The following ADPGK variants were observed in gnomAD, a reference collection of about 807,000 sequenced individuals.
The protein encoded by ADPGK is ADP-dependent glucokinase.
In ADPGK, 26 loss-of-function variants were observed where a neutral mutation model predicts 42.4. The ratio of observed to expected loss-of-function variants is 0.61; its 90% CI spans 0.45 to 0.85. The LOEUF is 0.85. ADPGK is among the 40% of genes least tolerant of loss of function. The pLI is 0.00. For missense variants in ADPGK, 571 were observed against 627.0 expected (o/e 0.91, Z 0.95); for synonymous variants, 267 against 252.6 (o/e 1.06, Z -0.54).
In ADPGK at chr15:72,783,640, C is replaced by A; in HGVS notation, c.52G>T (p.Gly18Cys). Residue 18 changes from glycine to cysteine, a missense_variant, in exon 1 of 7, where the codon GGC becomes TGC. Gly to Cys is a radical substitution (Grantham distance 159). Around this residue, in one of 2 missense-constraint regions of ADPGK, gnomAD observed 137 missense variants for 104.2 expected, o/e 1.31. Coordinates refer to ENST00000456471, the MANE Select transcript of ADPGK (RefSeq NM_001365225.1). ...TCTGGCTCCAGCAGGAAGACGCAGC[C>A]CACGGCCAGCGCCAGGAAGCCCGCG... ...AYAGFLALAV[G>C]CVFLLEPELP... 6.6e-7 allele frequency: 1 copy of A among 1,511,662 alleles called. No homozygotes were observed. The highest frequency in any genetic ancestry group is 8.8e-7 in the Non-Finnish European group (1 of 1,137,766). The allele number at this position is 1,511,662 out of a possible 1,614,324, so 93.6% of individuals were successfully genotyped here. A position where few individuals can be genotyped will look rare whatever the true frequency, so the allele number is the denominator to read the frequency against.
At chr15:72,777,966 A>G (rs1317268651) in intron 1 of ADPGK, among the ~76,000 whole-genome samples, 8 of 152,064 alleles carry the variant, frequency 5.3e-5, no homozygotes, top group Non-Finnish European at 7.4e-5. Context: ...AAAAAAAACC[A>G]GGCTGAGCAC....
At chr15:72,764,722 A>T (rs1224919018) in intron 3 of ADPGK, among the ~76,000 whole-genome samples, 1 of 152,220 alleles carries the variant, frequency 6.6e-6, no homozygotes. Context: ...TATTGTAAGA[A>T]GATGCCATCT....
intron 3 of ADPGK, among the ~76,000 whole-genome samples, chr15:72,762,327 T>C (rs1017255929): frequency 6.6e-6 from 1 of 152,212 alleles, no homozygotes; most frequent in Admixed American, 6.5e-5. Flanking sequence ...AGATTTAGTA[T>C]GTCCCACCCA....
chr15:72,754,142 T>C (rs1176220992), intron 6 of ADPGK, among the ~76,000 whole-genome samples: 1 of 149,828 alleles, frequency 6.7e-6, no homozygotes, highest in East Asian at 2.0e-4. Context: ...TCCATATCCA[T>C]GGCTTCAACC....
intron 5 of ADPGK, 38 bp from the exon 6 acceptor site, chr15:72,755,692 A>C (rs202161425): frequency 6.8e-7 from 1 of 1,478,576 alleles, no homozygotes; most frequent in East Asian, 2.3e-5. Context: ...CATTAGAAAT[A>C]GAAGGAAGTC....
chr15:72,752,072 A>G lies in ADPGK; in HGVS notation c.*269T>C, dbSNP rs1595784708. On this transcript the variant is annotated 3_prime_UTR_variant, in exon 7 of 7. Coordinates refer to ENST00000456471, the MANE Select transcript of ADPGK (RefSeq NM_001365225.1). ...CTCAGGGGTGAAGAAGTTTAGCTTA[A>G]AATACCTGATGGCGCTGCATAAACT... is the stretch of plus-strand genomic sequence containing the variant. 7.0e-6 allele frequency: 3 copies of G among 426,718 alleles called. No individual in the cohort carries two copies. In the East Asian group the frequency reaches 1.3e-4, roughly 18 times the overall value. 26.4% of individuals were successfully genotyped at this position (426,718 alleles called of 1,614,324 possible).
chr15:72,752,589 C>T lies in ADPGK; in HGVS notation c.1246G>A (p.Ala416Thr), dbSNP rs1244530659. Residue 416 changes from alanine to threonine, a missense_variant, in exon 7 of 7, where the codon GCC (alanine) becomes ACC (threonine). Physicochemically the swap from Ala to Thr is moderately conservative, Grantham distance 58. Transcript: ENST00000456471. ...CGGCTGGTGTCTATGGTTTCTGTGG[C>T]GCAGGCCTGTGTCCCAGCCACACGA... ...GARVAGTQAC[A>T]TETIDTSRVS... 31 of 1,614,076 alleles carry T rather than the reference C, an allele frequency of 1.9e-5. No homozygotes were observed. Among genetic ancestry groups the T allele is most frequent in the East Asian group, 6.7e-5 (3 of 44,896 alleles).
At chr15:72,758,060 A>C (rs1268046754) in intron 4 of ADPGK, 5 of 1,609,038 alleles carry the variant, frequency 3.1e-6, no homozygotes, top group South Asian at 1.1e-5. Flanking sequence ...TAACAGTGCC[A>C]TTACCTCCAA....
Position 72,756,411 on chromosome 15 carries a change from T to C in ADPGK, c.680A>G (p.Asn227Ser), listed in dbSNP as rs773177855. 3 of 1,614,108 alleles carry C rather than the reference T, an allele frequency of 1.9e-6. No homozygotes were observed. Among genetic ancestry groups the C allele is most frequent in the East Asian group, 2.2e-5 (1 of 44,872 alleles). Residue 227 changes from asparagine (N) to serine (S), a missense_variant, in exon 5 of 7, where the codon AAC becomes AGC. By Grantham distance (46) the Asn-to-Ser change is conservative. Around this residue, in one of 2 missense-constraint regions of ADPGK, gnomAD observed 434 missense variants for 522.7 expected, o/e 0.83. Coordinates refer to ENST00000456471, the MANE Select transcript of ADPGK (RefSeq NM_001365225.1). ...GAGGTCGTGAGAGAAGATGAATCGG[T>C]TGGCATGGGGAGCTTTTAACTGGCC... ...EWGQLKAPHA[N>S]RFIFSHDLSN... is the part of the protein sequence containing the mutation.
At chr15:72,758,656 G>A (rs1314778283) in intron 4 of ADPGK, 2 of 178,940 alleles carry the variant, frequency 1.1e-5, no homozygotes, top group Non-Finnish European at 2.4e-5. Flanking sequence ...TAAACCCAAG[G>A]ATGGAGACAC....
chr15:72,765,027 A>G (rs764892391), intron 3 of ADPGK, among the ~76,000 whole-genome samples: 64 of 151,890 alleles, frequency 4.2e-4, no homozygotes, highest in Admixed American at 1.0e-3. Flanking sequence ...TTGAAGTATC[A>G]CTGCTCATTG....
rs1326551849 is a variant in ADPGK, at chr15:72,760,462, T to G, written c.588A>C (p.Pro196=). ...HELLDDNVFV[P]PESLQEVDEF... The stretch of plus-strand genomic sequence containing the variant: ...CATCCACTTCCTGCAATGACTCTGG[T>G]GGAACAAAGACATTGTCATCAAGAA... Residue 196 remains proline, a synonymous_variant, in exon 4 of 7, where the codon CCA becomes CCC. Transcript: ENST00000456471. The G allele has an allele frequency of 1.2e-6, 2 of 1,610,996 alleles. No individual in the cohort carries two copies. The highest frequency in any genetic ancestry group is 1.7e-6 in the Non-Finnish European group (2 of 1,177,660).
chr15:72,764,996 GAAAAA>G (rs56080191), intron 3 of ADPGK, among the ~76,000 whole-genome samples: 2 of 136,578 alleles, frequency 1.5e-5, no homozygotes, highest in Admixed American at 7.3e-5. Flanking sequence ...CTACTGCTCA[GAAAAA>G]AAAAAAAAAA....
intron 6 of ADPGK, among the ~76,000 whole-genome samples, chr15:72,755,307 T>G (rs2066097114): frequency 6.6e-6 from 1 of 152,238 alleles, no homozygotes; most frequent in East Asian, 1.9e-4. Flanking sequence ...AACTTTTCCA[T>G]TCCAGAGGAG....
chr15:72,758,199 A>G (rs2066141026), intron 4 of ADPGK: 8 of 1,433,640 alleles, frequency 5.6e-6, no homozygotes, highest in South Asian at 1.1e-5. Context: ...GCCCCGTTGG[A>G]GAGGCCATGC....
At chr15:72,767,611 T>C (rs776573166) in intron 3 of ADPGK, among the ~76,000 whole-genome samples, 98 of 152,150 alleles carry the variant, frequency 6.4e-4, no homozygotes, top group Non-Finnish European at 8.5e-4. Flanking sequence ...TTTCTGACCA[T>C]ACTGGAATTG....
At chr15:72,775,170 A>C in intron 1 of ADPGK, 73 bp from the exon 2 acceptor site, 1 of 1,304,018 alleles carries the variant, frequency 7.7e-7, no homozygotes, top group Non-Finnish European at 1.1e-6. Flanking sequence ...ACAAAAGGAA[A>C]ATGTTTCTCA....
chr15:72,758,428 T>A, intron 4 of ADPGK: 1 of 441,464 alleles, frequency 2.3e-6, no homozygotes, highest in Non-Finnish European at 4.2e-6. Context: ...AGAGAGAATG[T>A]GGAAAAAAAA....
intron 3 of ADPGK, among the ~76,000 whole-genome samples, chr15:72,762,362 C>T (rs2066206026): frequency 6.6e-6 from 1 of 152,114 alleles, no homozygotes; most frequent in Admixed American, 6.5e-5. Context: ...CATTAACTTG[C>T]TAATTAACTG....
Sources: gnomAD v4.1 joint callset for allele counts (sites outside exome capture counted in the v4.1 genomes callset) on GRCh38, gnomAD v4.1.1 for gene constraint, gnomAD v4.1.1 regional missense constraint, MANE v1.5 for transcripts, NCBI Gene and HGNC (gene_info 2026-07-23, HGNC 2026-07-21) for gene names.